GALNT16: variants seen among roughly 807,000 people sequenced by gnomAD.
GALNT16 encodes polypeptide N-acetylgalactosaminyltransferase 16.
In GALNT16, 40 loss-of-function variants were observed where a neutral mutation model predicts 76.1. The ratio of observed to expected loss-of-function variants is 0.53; its 90% CI spans 0.41 to 0.68. GALNT16 has a LOEUF of 0.68. GALNT16 is among the 30% of genes least tolerant of loss of function. The pLI is 0.00. For missense variants in GALNT16, 621 were observed against 731.9 expected, an observed-to-expected ratio of 0.85 and a Z score of 1.75; for synonymous variants, 276 against 285.2, an observed-to-expected ratio of 0.97 and a Z score of 0.32.
At chr14:69,348,141 TCTAC>T in intron 14 of GALNT16, 139 bp downstream of exon 14, 1 of 796,392 alleles carries the variant, frequency 1.3e-6, no homozygotes, top group Non-Finnish European at 2.1e-6. Flanking sequence ...GGGAGCAAAG[TCTAC>T]ATCTAGGTCA....
At chr14:69,358,386 A>C (rs2045705489), downstream of GALNT16, 3 of 152,436 alleles carry the variant, frequency 2.0e-5, no homozygotes, top group African/African-American at 7.2e-5. Flanking sequence ...TTCTCTGCCC[A>C]CAAGGGCAGG....
chr14:69,273,176 G>T (rs2877537), intron 1 of GALNT16, among the ~76,000 whole-genome samples: 6,843 of 152,304 alleles, frequency 0.045, 235 homozygotes, highest in Non-Finnish European at 0.07. Context: ...TCAATATTTT[G>T]TGCAGTGTCT....
chr14:69,372,994 T>C, the GALNT16 span, among the ~76,000 whole-genome samples: 1 of 152,216 alleles, frequency 6.6e-6, no homozygotes, highest in African/African-American at 2.4e-5. Context: ...TGGAAGTTGG[T>C]GACCATACTT....
intron 14 of GALNT16, 131 bp downstream of exon 14, chr14:69,348,133 G>T: frequency 1.2e-6 from 1 of 869,512 alleles, no homozygotes; most frequent in Non-Finnish European, 1.8e-6. Context: ...TGGGGAGGGG[G>T]AGCAAAGTCT....
chr14:69,261,139 T>G lies in GALNT16; in HGVS notation c.177+672T>G, dbSNP rs896138052. On this transcript the variant is annotated intron_variant, in intron 1 of 14. Coordinates refer to ENST00000448469, the MANE Select transcript of GALNT16 (RefSeq NM_001168368.2). This position sits in a 1 kb window ranked among gnomAD's most constrained non-coding sequence, Gnocchi z 6.4. ...AGGTGGGCAGTGTCAGCGCCCGAACTTGGCGATACCCTTGCATGAAGTCAG... is the reference window on the plus strand; with the variant it reads ...AGGTGGGCAGTGTCAGCGCCCGAACGTGGCGATACCCTTGCATGAAGTCAG... Among the ~76,000 whole-genome samples, 3 of 152,152 alleles carry G rather than the reference T, an allele frequency of 2.0e-5. No homozygotes were observed. The highest frequency in any genetic ancestry group is 7.2e-5 in the African/African-American group (3 of 41,446).
At chr14:69,313,401 C>A (rs888038826) in intron 1 of GALNT16, among the ~76,000 whole-genome samples, 11 of 152,222 alleles carry the variant, frequency 7.2e-5, no homozygotes, top group African/African-American at 2.2e-4. Context: ...CCTGGTGGAC[C>A]TGGAGAGGAC....
intron 1 of GALNT16, among the ~76,000 whole-genome samples, chr14:69,317,945 G>A (rs1187371336): frequency 1.3e-5 from 2 of 152,192 alleles, no homozygotes; most frequent in East Asian, 3.8e-4. Flanking sequence ...ACCGGGGCGA[G>A]GCCAGAGAGA....
At chr14:69,318,660 G>C (rs1193676152) in intron 1 of GALNT16, among the ~76,000 whole-genome samples, 1 of 152,224 alleles carries the variant, frequency 6.6e-6, no homozygotes. Flanking sequence ...CAGAGTGGCC[G>C]TAAGTCCTAA....
downstream of GALNT16, among the ~76,000 whole-genome samples, chr14:69,360,699 GAAAT>G (rs1251553850): frequency 6.6e-6 from 1 of 152,186 alleles, no homozygotes; most frequent in African/African-American, 2.4e-5. Flanking sequence ...GAAAAGAAAA[GAAAT>G]GAAGAAATGC....
chr14:69,330,780 A>C (rs1484158940), intron 6 of GALNT16, among the ~76,000 whole-genome samples: 1 of 152,212 alleles, frequency 6.6e-6, no homozygotes, highest in African/African-American at 2.4e-5. Flanking sequence ...AGGGTGATGA[A>C]GTTTTACATG....
intron 1 of GALNT16, among the ~76,000 whole-genome samples, chr14:69,272,649 G>A (rs560807829): frequency 6.6e-6 from 1 of 152,094 alleles, no homozygotes; most frequent in South Asian, 2.1e-4. Context: ...CACTCATCAC[G>A]CACTCACTGA....
chr14:69,352,165 A>G lies in GALNT16; in HGVS notation c.1674A>G (p.Thr558=). 6.2e-7 allele frequency: 1 copy of G among 1,609,508 alleles called. No individual in the cohort carries two copies. The highest frequency in any genetic ancestry group is 8.5e-7 in the Non-Finnish European group (1 of 1,177,428). Residue 558 remains threonine, a synonymous_variant, in exon 15 of 15, where the codon ACA becomes ACG. Transcript: ENST00000448469. ...AGCAGTGGCAGCTGTTGCCACACAC[A>G]TGACGGTAGCCCTGGGGCCTCCTGT... ...QAQQWQLLPH[T]
the GALNT16 span, among the ~76,000 whole-genome samples, chr14:69,378,424 T>G: frequency 6.6e-6 from 1 of 152,180 alleles, no homozygotes; most frequent in African/African-American, 2.4e-5. Context: ...TTACTTGTGG[T>G]TGGGGAAAGG....
At chr14:69,339,046 C>T (rs1306144203) in intron 10 of GALNT16, among the ~76,000 whole-genome samples, 3 of 152,112 alleles carry the variant, frequency 2.0e-5, no homozygotes, top group Admixed American at 2.0e-4. Flanking sequence ...CCAACTAAGC[C>T]ATGCTCTCCA....
chr14:69,325,304 C>T, intron 3 of GALNT16, 33 bp from the exon 4 acceptor site: 1 of 1,406,974 alleles, frequency 7.1e-7, no homozygotes, highest in Non-Finnish European at 1.0e-6. Context: ...TTCCTAAATC[C>T]AGGCTCTTTC....
chr14:69,266,609 A>G (rs2140098945), intron 1 of GALNT16, among the ~76,000 whole-genome samples: 1 of 152,212 alleles, frequency 6.6e-6, no homozygotes. Context: ...AGCAGAAGGA[A>G]AACATTCTCA....
intron 4 of GALNT16, 36 bp from the exon 5 acceptor site, chr14:69,325,926 G>A: frequency 1.3e-6 from 2 of 1,569,856 alleles, no homozygotes; most frequent in Non-Finnish European, 8.8e-7. Flanking sequence ...TGATGCCCAT[G>A]TCTAAATGAG....
intron 12 of GALNT16, among the ~76,000 whole-genome samples, chr14:69,345,346 G>A (rs910033529): frequency 1.3e-5 from 2 of 152,124 alleles, no homozygotes; most frequent in Non-Finnish European, 2.9e-5. Flanking sequence ...CCAGGGGTGT[G>A]GGAGAGGAAT....
In GALNT16 at chr14:69,352,899, G is replaced by A. The variant is rs1026869761; in HGVS notation, c.*731G>A. 3.9e-5 allele frequency among the ~76,000 whole-genome samples: 6 copies of A among 152,192 alleles called. No individual in the cohort carries two copies. Among genetic ancestry groups the A allele is most frequent in the Non-Finnish European group, 7.4e-5 (5 of 68,024 alleles). On this transcript the variant is annotated 3_prime_UTR_variant, in exon 15 of 15. Coordinates refer to ENST00000448469, the MANE Select transcript of GALNT16 (RefSeq NM_001168368.2). The stretch of plus-strand genomic sequence containing the variant: ...GTCTGAGCCCGACGCTGCCTCTTCC[G>A]GTCCTGTGCCTGTGGGTGCCCACAT...
Sources: gnomAD v4.1 joint callset for allele counts (sites outside exome capture counted in the v4.1 genomes callset) on GRCh38, gnomAD v4.1.1 for gene constraint, Gnocchi (gnomAD v3.1) non-coding constraint, MANE v1.5 for transcripts, NCBI Gene and HGNC (gene_info 2026-07-23, HGNC 2026-07-21) for gene names.